Variants in NCAPD3 observed in about 807,000 individuals in gnomAD.
NCAPD3 encodes the protein non-SMC condensin II complex subunit D3.
A neutral mutation model predicts 182.9 loss-of-function variants in NCAPD3; 105 were observed. The ratio of observed to expected loss-of-function variants is 0.57; its 90% CI spans 0.49 to 0.68. The LOEUF (loss-of-function observed/expected upper bound fraction) is 0.68, where lower values mean the gene tolerates loss of function less well. Among genes scored for constraint, NCAPD3 ranks in the 30% least tolerant of loss-of-function variants. NCAPD3 has a pLI of 0.00. For missense variants in NCAPD3, 1,944 were observed against 1,837.0 expected, an observed-to-expected ratio of 1.06 and a Z score of -1.07; for synonymous variants, 815 against 679.9, an observed-to-expected ratio of 1.20 and a Z score of -3.09.
At position 134,154,127 on chromosome 11, in the gene NCAPD3, G is replaced by A. The variant is rs1441308654; in HGVS notation, c.4253-764C>T. ...GGTATAAAAACATAGCTACCTCATT[G>A]GGGGGCTGCCAGGACTACATGAGGT... On this transcript the variant is annotated intron_variant, in intron 32 of 34. Transcript: ENST00000534548. The A allele has an allele frequency of 2.6e-5, 4 of 152,452 alleles. No individual in the cohort carries two copies. The East Asian group carries it at 7.7e-4, about 29-fold the overall frequency. The allele number at this position is 152,452 out of a possible 1,614,324, so 9.4% of individuals were successfully genotyped here. A position where few individuals can be genotyped will look rare whatever the true frequency, so the allele number is the denominator to read the frequency against.
chr11:134,192,262 A>G (rs1944538311), intron 16 of NCAPD3, among the ~76,000 whole-genome samples: 1 of 152,252 alleles, frequency 6.6e-6, no homozygotes, highest in Non-Finnish European at 1.5e-5. Context: ...TGTATGTTCA[A>G]TAAGTGTTAT....
At chr11:134,160,840 GACA>G (rs916235847) in intron 28 of NCAPD3, among the ~76,000 whole-genome samples, 1 of 152,018 alleles carries the variant, frequency 6.6e-6, no homozygotes, top group African/African-American at 2.4e-5. Flanking sequence ...TCAAGCTACT[GACA>G]ACAAGCAACG....
intron 20 of NCAPD3, 120 bp from the exon 21 acceptor site, chr11:134,179,056 G>T: frequency 2.9e-6 from 2 of 681,786 alleles, no homozygotes; most frequent in South Asian, 2.0e-5. Flanking sequence ...AATGTTACTA[G>T]TTTTCGTTTC....
intron 16 of NCAPD3, among the ~76,000 whole-genome samples, chr11:134,191,620 GAATT>G (rs543946573): frequency 1.0e-3 from 159 of 152,234 alleles, no homozygotes; most frequent in Admixed American, 5.1e-3. Context: ...ACATTAACAT[GAATT>G]AATACATAGA....
chr11:134,163,871 C>CAAAAAAAAAAAA (rs60340458), intron 27 of NCAPD3, among the ~76,000 whole-genome samples: 16 of 70,800 alleles, frequency 2.3e-4, no homozygotes, highest in African/African-American at 3.7e-4. Flanking sequence ...GATTCTGTCT[C>CAAAAAAAAAAAA]AAAAAAAAAA....
chr11:134,152,986 G>C lies in NCAPD3; in HGVS notation c.4455C>G (p.Ser1485Arg), dbSNP rs1943300887. Residue 1485 changes from serine to arginine, a missense_variant, in exon 35 of 35, where the codon AGC (serine) becomes AGG (arginine). By Grantham distance (110) the Ser-to-Arg change is moderately radical. This residue lies in a region of NCAPD3 where 1,803 missense variants were observed against 1,674.6 expected (regional missense o/e 1.08). Coordinates refer to ENST00000534548, the MANE Select transcript of NCAPD3 (RefSeq NM_015261.3). ...PARNKDTPAC[S>R]RRSLRKTPLK... ...GAGGGGTCTTTCGGAGGGACCTCCTGCTGCAGGCTGGAGTGTCTTTATTCC... is the reference window on the plus strand; with the variant it reads ...GAGGGGTCTTTCGGAGGGACCTCCTCCTGCAGGCTGGAGTGTCTTTATTCC... 6.3e-7 allele frequency: 1 copy of C among 1,579,690 alleles called. No individual in the cohort carries two copies. Among genetic ancestry groups the C allele is most frequent in the South Asian group, 1.2e-5 (1 of 85,328 alleles).
intron 1 of NCAPD3, among the ~76,000 whole-genome samples, chr11:134,221,180 A>G (rs1938212400): frequency 6.6e-6 from 1 of 152,184 alleles, no homozygotes; most frequent in African/African-American, 2.4e-5. Flanking sequence ...AAAAACATAT[A>G]TAATTTCTCC....
rs556569766 is a variant in NCAPD3 at position 134,192,995 on chromosome 11, C to G, written c.1825-86G>C. ...AACATTTTGAGATGTTAAAAATAAT[C>G]ACACCTTCAACTGCAAATAGACCAT... On this transcript the variant is annotated intron_variant, in intron 15 of 34. Coordinates refer to ENST00000534548, the MANE Select transcript of NCAPD3 (RefSeq NM_015261.3). The G allele has an allele frequency of 3.9e-6, 3 of 774,682 alleles. No individual in the cohort carries two copies. In the African/African-American group the frequency reaches 5.2e-5, roughly 13 times the overall value. 48.0% of individuals were successfully genotyped at this position (774,682 alleles called of 1,614,324 possible). A position where few individuals can be genotyped will look rare whatever the true frequency, so the allele number is the denominator to read the frequency against.
chr11:134,184,652 T>C lies in NCAPD3; in HGVS notation c.2436A>G (p.Thr812=). The C allele has an allele frequency of 1.9e-6, 3 of 1,611,150 alleles. No individual in the cohort carries two copies. The highest frequency in any genetic ancestry group is 2.5e-6 in the Non-Finnish European group (3 of 1,178,670). ...CTGGCCATACCTGCTCCTCTGCTGG[T>C]GTCTCTGCAGATGCTCTACAAAGCC... is the stretch of plus-strand genomic sequence containing the variant. ...LQRLCRASAE[T]PAEEQELLTQ... The change falls in exon 19 of 35, where the codon ACA becomes ACG. Residue 812 remains threonine, a synonymous_variant. Transcript: ENST00000534548.
chr11:134,178,320 G>T (rs868575597), intron 22 of NCAPD3, among the ~76,000 whole-genome samples: 1 of 151,988 alleles, frequency 6.6e-6, no homozygotes, highest in Non-Finnish European at 1.5e-5. Context: ...TCAAGTGAAG[G>T]TATTGAAAAA....
At chr11:134,175,297 C>T (rs910742117) in intron 24 of NCAPD3, among the ~76,000 whole-genome samples, 3 of 152,194 alleles carry the variant, frequency 2.0e-5, no homozygotes, top group Non-Finnish European at 4.4e-5. Flanking sequence ...TTCTCCTGGG[C>T]CACGTACTGC....
chr11:134,184,920 G>C lies in NCAPD3; in HGVS notation c.2318C>G (p.Thr773Ser), dbSNP rs563060348. Residue 773 changes from threonine (T) to serine (S), a missense_variant, in exon 18 of 35, where the codon ACC becomes AGC. This residue lies in a region of NCAPD3 where 1,803 missense variants were observed against 1,674.6 expected (regional missense o/e 1.08). Coordinates refer to ENST00000534548, the MANE Select transcript of NCAPD3 (RefSeq NM_015261.3). The stretch of plus-strand genomic sequence containing the variant: ...ACACTCACCAGTCACTTTGTCCCGG[G>C]TGCTCTTAGGAAGATGCTTTGCAAT... ...GHIAKHLPKSTRDKVTDAVKC... is the reference protein window; with the variant it reads ...GHIAKHLPKSSRDKVTDAVKC... 11 of 1,612,594 alleles carry C rather than the reference G, an allele frequency of 6.8e-6. No homozygotes were observed. Among genetic ancestry groups the C allele is most frequent in the Non-Finnish European group, 8.5e-6 (10 of 1,178,700 alleles).
At chr11:134,199,862 GTACA>G (rs1944714374) in intron 13 of NCAPD3, among the ~76,000 whole-genome samples, 1 of 152,116 alleles carries the variant, frequency 6.6e-6, no homozygotes, top group Non-Finnish European at 1.5e-5. Flanking sequence ...ACACAATGTG[GTACA>G]TAAAGACAGA....
intron 8 of NCAPD3, among the ~76,000 whole-genome samples, chr11:134,205,337 C>G (rs1944827296): frequency 6.6e-6 from 1 of 151,890 alleles, no homozygotes; most frequent in African/African-American, 2.4e-5. Context: ...CAGTGAAATG[C>G]ATTAGTAACA....
At chr11:134,191,745 A>G (rs1944529434) in intron 16 of NCAPD3, among the ~76,000 whole-genome samples, 1 of 152,226 alleles carries the variant, frequency 6.6e-6, no homozygotes, top group Non-Finnish European at 1.5e-5. Flanking sequence ...GTAGAGGTTG[A>G]GTATCACTCA....
Position 134,209,140 on chromosome 11 carries a change from C to T in NCAPD3, c.794+5G>A. On this transcript the variant is annotated splice_donor_5th_base_variant and intron_variant, in intron 6 of 34. Coordinates refer to ENST00000534548, the MANE Select transcript of NCAPD3 (RefSeq NM_015261.3). Reference sequence around the variant, plus strand: ...ATTGTAGCACTGGAAGATTTAATGGCTCACCTGGCTTGTGTAACATGACAT... The same window carrying T: ...ATTGTAGCACTGGAAGATTTAATGGTTCACCTGGCTTGTGTAACATGACAT... 1 of 1,611,560 alleles carries T rather than the reference C, an allele frequency of 6.2e-7. No homozygotes were observed. Among genetic ancestry groups the T allele is most frequent in the Non-Finnish European group, 8.5e-7 (1 of 1,178,786 alleles).
At chr11:134,186,637 T>C (rs1944411593) in intron 16 of NCAPD3, among the ~76,000 whole-genome samples, 1 of 152,218 alleles carries the variant, frequency 6.6e-6, no homozygotes, top group Admixed American at 6.5e-5. Flanking sequence ...CTTCTTCCCT[T>C]GATTAATTTT....
chr11:134,213,795 A>G lies in NCAPD3; in HGVS notation c.382+3141T>C, dbSNP rs74341906. On this transcript the variant is annotated intron_variant, in intron 3 of 34. Transcript: ENST00000534548. ...TATAGTGGCTATCTTAGTATTAGAC[A>G]AAGTAGACTTCAAGACAAGGAATAT... Among the ~76,000 whole-genome samples, 1,006 of 152,318 alleles carry G rather than the reference A, an allele frequency of 6.6e-3. 7 individuals carry two copies. Among genetic ancestry groups the G allele is most frequent in the African/African-American group, 0.023 (945 of 41,562 alleles).
At chr11:134,224,142 C>T (rs1460416081), upstream of NCAPD3, 1 of 610,550 alleles carries the variant, frequency 1.6e-6, no homozygotes, top group Non-Finnish European at 2.9e-6. Flanking sequence ...CCAAACAAGG[C>T]TCCTGCGGGT....
Sources: allele counts gnomAD v4.1 joint callset (sites outside exome capture counted in the v4.1 genomes callset), GRCh38; gene constraint gnomAD v4.1.1; regional missense constraint gnomAD v4.1.1; transcripts MANE v1.5; gene names NCBI Gene and HGNC (gene_info 2026-07-23, HGNC 2026-07-21).